TRIM9: variants seen among roughly 807,000 people sequenced by gnomAD.
TRIM9 encodes tripartite motif containing 9, also known as E3 ubiquitin-protein ligase TRIM9.
Under a neutral mutation model 78.3 loss-of-function variants are expected in TRIM9, and 26 were observed. The observed-to-expected ratio is 0.33, with a 90% confidence interval of 0.24 to 0.46. TRIM9 has a LOEUF of 0.46. Ranked by LOEUF, TRIM9 falls within the 20% of genes least tolerant of loss-of-function variation. The pLI, the probability that TRIM9 is intolerant of heterozygous loss-of-function variation, is 1.00. For synonymous variants in TRIM9, 398 were observed against 416.5 expected (o/e 0.96, Z 0.54); for missense variants, 787 against 1,036.4 (o/e 0.76, Z 3.30).
intron 7 of TRIM9, among the ~76,000 whole-genome samples, chr14:50,992,392 A>C (rs2053627154): frequency 6.6e-6 from 1 of 151,488 alleles, no homozygotes; most frequent in Non-Finnish European, 1.5e-5. Flanking sequence ...GGGCTGGGCA[A>C]CATAGTGAGA....
intron 1 of TRIM9, among the ~76,000 whole-genome samples, chr14:51,046,499 G>A (rs997763530): frequency 2.6e-5 from 4 of 152,160 alleles, no homozygotes; most frequent in Non-Finnish European, 5.9e-5. Context: ...TAATTCTTAC[G>A]ATGGCATATG....
rs560287355 is a variant in TRIM9, at chr14:51,061,336, C to T, written c.822+32782G>A. On this transcript the variant is annotated intron_variant, in intron 1 of 12. Transcript: ENST00000684578. Reference sequence around the variant, plus strand: ...GCTGAGGCAGGAGAATCACTTGAACCCAGGAGGCGGAGGTTGCAGTGAGCC... The same window carrying T: ...GCTGAGGCAGGAGAATCACTTGAACTCAGGAGGCGGAGGTTGCAGTGAGCC... 4.6e-5 allele frequency among the ~76,000 whole-genome samples: 7 copies of T among 151,272 alleles called. No individual in the cohort carries two copies. In the South Asian group the frequency reaches 1.3e-3, roughly 27 times the overall value.
At chr14:50,979,821 A>G (rs1383513861) in intron 11 of TRIM9, among the ~76,000 whole-genome samples, 1 of 152,068 alleles carries the variant, frequency 6.6e-6, no homozygotes, top group African/African-American at 2.4e-5. Context: ...CTAGGGGGAG[A>G]TATCTGCCCT....
chr14:50,986,196 C>G, intron 7 of TRIM9, 52 bp from the exon 8 acceptor site: 1 of 1,378,032 alleles, frequency 7.3e-7, no homozygotes, highest in Non-Finnish European at 9.5e-7. Context: ...TATTATGTCC[C>G]CGTGCACGGT....
intron 12 of TRIM9, chr14:50,979,027 G>A: frequency 7.9e-7 from 1 of 1,263,538 alleles, no homozygotes; most frequent in Non-Finnish European, 1.0e-6. Context: ...CTCTTCTCAG[G>A]CACTCCTGAG....
chr14:51,072,992 A>AT (rs34673300), intron 1 of TRIM9, among the ~76,000 whole-genome samples: 18,987 of 150,242 alleles, frequency 0.13, 1,520 homozygotes, highest in Middle Eastern at 0.21. Context: ...TGTTTTATTT[A>AT]TTTTTTTTTT....
chr14:51,060,263 C>G (rs889506997), intron 1 of TRIM9, among the ~76,000 whole-genome samples: 9 of 152,186 alleles, frequency 5.9e-5, no homozygotes, highest in African/African-American at 1.9e-4. Context: ...GCCTAGCTGT[C>G]AAAGTCTTAT....
chr14:51,019,550 T>C (rs2057546482), intron 3 of TRIM9, among the ~76,000 whole-genome samples: 1 of 152,232 alleles, frequency 6.6e-6, no homozygotes, highest in Non-Finnish European at 1.5e-5. Flanking sequence ...CCCAGGTTCA[T>C]GGATAATAAC....
chr14:50,985,477 A>G (rs555018291), intron 8 of TRIM9, among the ~76,000 whole-genome samples: 1 of 152,144 alleles, frequency 6.6e-6, no homozygotes. Flanking sequence ...TTTTACTTTT[A>G]TTGTACTTTG....
intron 1 of TRIM9, among the ~76,000 whole-genome samples, chr14:51,025,983 T>G (rs1034538399): frequency 1.3e-4 from 20 of 152,150 alleles, no homozygotes; most frequent in Admixed American, 1.2e-3. Context: ...TCTCTTTCTT[T>G]CTTCCCACAC....
Position 51,094,648 on chromosome 14 carries a change from CG to C in TRIM9, c.291del (p.Asn97LysfsTer58). On this transcript the variant is annotated frameshift_variant, in exon 1 of 13. Transcript: ENST00000684578. LOFTEE classifies it high-confidence loss of function. ...APTTPCQKSP[N>X]GVRVFPPAMP... ...ATAGCCGGGGGAAACACGCGGACGC[CG>C]TTGGGGGACTTCTGGCACGGGGTAG... 1 of 1,602,612 alleles carries C rather than the reference CG, an allele frequency of 6.2e-7. No homozygotes were observed. The highest frequency in any genetic ancestry group is 8.5e-7 in the Non-Finnish European group (1 of 1,173,324).
intron 1 of TRIM9, among the ~76,000 whole-genome samples, chr14:51,045,932 GA>G (rs1006481437): frequency 2.7e-5 from 4 of 148,294 alleles, no homozygotes; most frequent in Non-Finnish European, 4.5e-5. Flanking sequence ...TCCATCAACA[GA>G]AAAAAAAAGA....
intron 1 of TRIM9, among the ~76,000 whole-genome samples, chr14:51,028,057 G>C (rs1338145003): frequency 6.6e-6 from 1 of 152,160 alleles, no homozygotes; most frequent in Admixed American, 6.5e-5. Context: ...TTTTTGACCA[G>C]TTGCTGCTGT....
At chr14:51,090,506 A>G (rs1410123461) in intron 1 of TRIM9, 1 of 152,252 alleles carries the variant, frequency 6.6e-6, no homozygotes, top group Non-Finnish European at 1.5e-5. Flanking sequence ...CAAGATTAAG[A>G]ATGAATAGTG....
rs2063779096 is a variant in TRIM9, at chr14:51,086,648, T to A, written c.822+7470A>T. Among the ~76,000 whole-genome samples the A allele has an allele frequency of 1.3e-5, 2 of 152,126 alleles. 1 individual carries two copies. The highest frequency in any genetic ancestry group is 4.1e-4 in the South Asian group (2 of 4,828). On this transcript the variant is annotated intron_variant, in intron 1 of 12. Coordinates refer to ENST00000684578, the MANE Select transcript of TRIM9 (RefSeq NM_001387360.1). ...GTGGAAGATTTCTCACAGAAGCAAT[T>A]ATAATACAGTGGGAGGATGCTCAGG...
rs551834884 is a variant in TRIM9, at chr14:51,059,655, G to A, written c.823-34295C>T. On this transcript the variant is annotated intron_variant, in intron 1 of 12. Transcript: ENST00000684578. ...TCTACTAAAAATACAAAAATTAGCC[G>A]GGCGTGGTGGCACACACCTGCAGTC... Among the ~76,000 whole-genome samples the A allele has an allele frequency of 3.1e-3, 473 of 151,890 alleles. 3 individuals carry two copies. Among genetic ancestry groups the A allele is most frequent in the African/African-American group, 0.011 (460 of 41,432 alleles).
intron 1 of TRIM9, among the ~76,000 whole-genome samples, chr14:51,093,344 G>A (rs534142260): frequency 1.3e-5 from 2 of 152,360 alleles, no homozygotes; most frequent in East Asian, 3.9e-4. Flanking sequence ...GTGGGTGTGT[G>A]TATAGTTGGG....
In TRIM9 at chr14:50,985,967, A is replaced by G; in HGVS notation, c.1781T>C (p.Leu594Pro). Residue 594 changes from leucine to proline, a missense_variant, in exon 8 of 13, where the codon CTC becomes CCC. Physicochemically the swap from Leu to Pro is moderately conservative, Grantham distance 98 (BLOSUM62 -3). This residue lies in a region of TRIM9 where 421 missense variants were observed against 514.3 expected (regional missense o/e 0.82). Transcript: ENST00000684578. The stretch of plus-strand genomic sequence containing the variant: ...GGAGCTCAGCTCACCCGGTGCATTG[A>G]GAGACTGTAAAGAGGAATGCAAGCT... ...QLSLHSSLQSLNAPGCNFETQ... is the reference protein window; with the variant it reads ...QLSLHSSLQSPNAPGCNFETQ... 6.5e-7 allele frequency: 1 copy of G among 1,539,188 alleles called. No individual in the cohort carries two copies. Among genetic ancestry groups the G allele is most frequent in the Non-Finnish European group, 8.8e-7 (1 of 1,141,268 alleles).
chr14:51,014,212 A>C (rs904200120), intron 3 of TRIM9, among the ~76,000 whole-genome samples: 7 of 152,110 alleles, frequency 4.6e-5, no homozygotes, highest in African/African-American at 1.4e-4. Flanking sequence ...TGCTTCTATA[A>C]ATTTCCTTAT....
Sources: gnomAD v4.1 joint callset for allele counts (sites outside exome capture counted in the v4.1 genomes callset) on GRCh38, gnomAD v4.1.1 for gene constraint, gnomAD v4.1.1 regional missense constraint, MANE v1.5 for transcripts, NCBI Gene and HGNC (gene_info 2026-07-23, HGNC 2026-07-21) for gene names.